CNIH3: variants seen among roughly 807,000 people sequenced by gnomAD.
CNIH3 encodes the protein cornichon family AMPA receptor auxiliary protein 3.
Under a neutral mutation model 24.1 loss-of-function variants are expected in CNIH3, and 14 were observed. That is an observed-to-expected ratio of 0.58 (90% confidence interval 0.38 to 0.91). CNIH3 has a LOEUF of 0.91. Among genes scored for constraint, CNIH3 ranks in the 40% least tolerant of loss-of-function variants. The pLI is 0.00. For synonymous variants in CNIH3, 68 were observed against 73.8 expected (o/e 0.92, Z 0.40); for missense variants, 178 against 196.8 (o/e 0.90, Z 0.57).
chr1:224,642,487 C>G lies in CNIH3; in HGVS notation c.81+25232C>G, dbSNP rs563471992. Among the ~76,000 whole-genome samples the G allele has an allele frequency of 1.9e-3, 285 of 152,294 alleles. 2 individuals carry two copies. Among genetic ancestry groups the G allele is most frequent in the Non-Finnish European group, 3.3e-3 (222 of 68,022 alleles). On this transcript the variant is annotated intron_variant, in intron 1 of 5. Transcript: ENST00000272133. Reference sequence around the variant, plus strand: ...TCTAACAATCCACCTGCCTTGGCCTCTCAAAGTGCTGGGATTGTCGGTGTG... The same window carrying G: ...TCTAACAATCCACCTGCCTTGGCCTGTCAAAGTGCTGGGATTGTCGGTGTG...
At chr1:224,465,212 C>T (rs559653656) in intron 1 of CNIH3, among the ~76,000 whole-genome samples, 23 of 151,860 alleles carry the variant, frequency 1.5e-4, no homozygotes, top group South Asian at 1.5e-3. Flanking sequence ...TGGATTCAAG[C>T]GATTCTCCTG....
At chr1:224,543,889 G>A (rs1679605057) in intron 2 of CNIH3, among the ~76,000 whole-genome samples, 2 of 152,054 alleles carry the variant, frequency 1.3e-5, no homozygotes, top group Admixed American at 6.5e-5. Flanking sequence ...TAGAAGTACT[G>A]TTGGTCTGGT....
chr1:224,539,011 C>T (rs1328649159), downstream of CNIH3, among the ~76,000 whole-genome samples: 1 of 152,038 alleles, frequency 6.6e-6, no homozygotes, highest in Non-Finnish European at 1.5e-5. Context: ...GTTTTATCTT[C>T]CCATGTTTTC....
chr1:224,721,706 TC>T (rs1688731933), intron 3 of CNIH3, among the ~76,000 whole-genome samples: 1 of 152,030 alleles, frequency 6.6e-6, no homozygotes, highest in African/African-American at 2.4e-5. Context: ...AAGGAAGCTG[TC>T]CCCTTACAGA....
At chr1:224,536,120 G>T (rs934308807) in intron 2 of CNIH3, among the ~76,000 whole-genome samples, 4 of 152,058 alleles carry the variant, frequency 2.6e-5, no homozygotes, top group Non-Finnish European at 5.9e-5. Flanking sequence ...TCCTGACAAT[G>T]TCAGATGGGG....
chr1:224,632,550 G>A (rs1466603781), intron 1 of CNIH3, among the ~76,000 whole-genome samples: 2 of 152,066 alleles, frequency 1.3e-5, no homozygotes, highest in Non-Finnish European at 2.9e-5. Context: ...AAGAGGATTG[G>A]GTAGGGGGCA....
chr1:224,626,884 C>T (rs1683561245), intron 1 of CNIH3, among the ~76,000 whole-genome samples: 1 of 152,152 alleles, frequency 6.6e-6, no homozygotes, highest in Non-Finnish European at 1.5e-5. Context: ...CTGTCACTGA[C>T]GAGCCTGGGT....
At chr1:224,633,315 C>T (rs772786124) in intron 1 of CNIH3, among the ~76,000 whole-genome samples, 4 of 152,124 alleles carry the variant, frequency 2.6e-5, no homozygotes, top group Admixed American at 2.0e-4. Context: ...CCCACCACCA[C>T]GCCCAGCAAA....
intron 1 of CNIH3, among the ~76,000 whole-genome samples, chr1:224,649,222 G>A (rs1371060771): frequency 1.3e-5 from 2 of 152,206 alleles, no homozygotes; most frequent in Non-Finnish European, 2.9e-5. Context: ...AATCACAGAG[G>A]TCTTTATAGG....
At chr1:224,629,799 C>T (rs1683729949) in intron 1 of CNIH3, among the ~76,000 whole-genome samples, 1 of 152,114 alleles carries the variant, frequency 6.6e-6, no homozygotes, top group East Asian at 1.9e-4. Context: ...CTGATGGTTG[C>T]TGTCTCTCTG....
In CNIH3 at chr1:224,653,103, T is replaced by C. The variant is rs559829817; in HGVS notation, c.82-27855T>C. Among the ~76,000 whole-genome samples the C allele has an allele frequency of 2.6e-5, 4 of 152,374 alleles. No individual in the cohort carries two copies. In the East Asian group the frequency reaches 7.7e-4, roughly 29 times the overall value. ...CTACATATTCCTTGTCAACCATTTT[T>C]TGGCTCTCATTTTTCAAACTGGGAG... On this transcript the variant is annotated intron_variant, in intron 1 of 5. Coordinates refer to ENST00000272133, the MANE Select transcript of CNIH3 (RefSeq NM_152495.2).
intron 1 of CNIH3, among the ~76,000 whole-genome samples, chr1:224,635,716 G>A (rs998279778): frequency 9.2e-5 from 14 of 152,084 alleles, no homozygotes; most frequent in South Asian, 4.2e-4. Context: ...CCCTTCCTTC[G>A]TTAGAGACAG....
At chr1:224,696,474 C>T (rs968692459) in intron 3 of CNIH3, among the ~76,000 whole-genome samples, 3 of 152,164 alleles carry the variant, frequency 2.0e-5, no homozygotes, top group African/African-American at 7.2e-5. Context: ...TGGAGGAAGT[C>T]GGTCAGCAGC....
chr1:224,490,112 T>C (rs1677187215), intron 1 of CNIH3, among the ~76,000 whole-genome samples: 1 of 152,164 alleles, frequency 6.6e-6, no homozygotes, highest in Non-Finnish European at 1.5e-5. Flanking sequence ...GTAGTGAGTG[T>C]TGCAAGGGAA....
At chr1:224,441,520 A>G (rs1572244838) in intron 1 of CNIH3, among the ~76,000 whole-genome samples, 2 of 152,246 alleles carry the variant, frequency 1.3e-5, no homozygotes, top group Admixed American at 1.3e-4. Context: ...CCCTTTGGGC[A>G]GTCTTCCTTC....
intron 3 of CNIH3, among the ~76,000 whole-genome samples, chr1:224,603,114 T>A (rs1417486571): frequency 3.3e-5 from 5 of 152,132 alleles, no homozygotes; most frequent in African/African-American, 1.2e-4. Flanking sequence ...CATTACTGAA[T>A]CCACATGTTG....
intron 1 of CNIH3, among the ~76,000 whole-genome samples, chr1:224,444,363 T>TA (rs1320502687): frequency 6.6e-6 from 1 of 151,980 alleles, no homozygotes; most frequent in Non-Finnish European, 1.5e-5. Context: ...TGGTTTTTTT[T>TA]ATTTTTATTT....
intron 1 of CNIH3, among the ~76,000 whole-genome samples, chr1:224,620,358 GAGCTAGGT>G (rs1683220961): frequency 6.6e-6 from 1 of 152,230 alleles, no homozygotes; most frequent in Non-Finnish European, 1.5e-5. Context: ...GCATGGACTT[GAGCTAGGT>G]CTGTGAGACT....
intron 1 of CNIH3, among the ~76,000 whole-genome samples, chr1:224,455,733 A>G (rs1315219932): frequency 2.0e-5 from 3 of 152,170 alleles, no homozygotes; most frequent in Non-Finnish European, 4.4e-5. Flanking sequence ...TTATAAGATA[A>G]TGGAGGAAAA....
Sources: gnomAD v4.1 joint callset for allele counts (sites outside exome capture counted in the v4.1 genomes callset) on GRCh38, gnomAD v4.1.1 for gene constraint, MANE v1.5 for transcripts, NCBI Gene and HGNC (gene_info 2026-07-23, HGNC 2026-07-21) for gene names.